The following BOC variants were observed in gnomAD, a reference collection of about 807,000 sequenced individuals.
BOC encodes brother of CDO.
BOC carries 76 observed loss-of-function variants against 112.0 expected under a neutral mutation model. The ratio of observed to expected loss-of-function variants is 0.68; its 90% CI spans 0.56 to 0.82. The LOEUF (loss-of-function observed/expected upper bound fraction) is 0.82. BOC is among the 40% of genes least tolerant of loss of function. The pLI, the probability that BOC is intolerant of heterozygous loss-of-function variation, is 0.00. For synonymous variants in BOC, 580 were observed against 599.8 expected, an observed-to-expected ratio of 0.97 and a Z score of 0.48; for missense variants, 1,309 against 1,511.7, an observed-to-expected ratio of 0.87 and a Z score of 2.22.
intron 2 of BOC, among the ~76,000 whole-genome samples, chr3:113,240,937 C>T (rs1944210159): frequency 1.3e-5 from 2 of 152,186 alleles, no homozygotes; most frequent in Admixed American, 1.3e-4. Flanking sequence ...GCCTAATGCC[C>T]TTAGCTTGGC....
intron 2 of BOC, among the ~76,000 whole-genome samples, chr3:113,239,590 G>C (rs570557929): frequency 8.5e-5 from 13 of 152,314 alleles, no homozygotes; most frequent in African/African-American, 3.1e-4. Flanking sequence ...TCCAGCACAG[G>C]CTTGTTAGGG....
intron 4 of BOC, among the ~76,000 whole-genome samples, chr3:113,253,323 C>T (rs1048979051): frequency 6.6e-6 from 1 of 152,138 alleles, no homozygotes; most frequent in South Asian, 2.1e-4. Context: ...TACAATATGG[C>T]TTACACCTGT....
chr3:113,267,345 C>G (rs1238686974), intron 4 of BOC, among the ~76,000 whole-genome samples: 2 of 152,170 alleles, frequency 1.3e-5, no homozygotes, highest in Non-Finnish European at 2.9e-5. Flanking sequence ...TGGACTCTTG[C>G]ATTGTTTGGG....
intron 2 of BOC, among the ~76,000 whole-genome samples, chr3:113,219,041 G>C (rs938557019): frequency 6.6e-6 from 1 of 152,250 alleles, no homozygotes; most frequent in Non-Finnish European, 1.5e-5. Flanking sequence ...GTTGTCCAAA[G>C]GTGGTATTGT....
At chr3:113,275,489 T>C (rs868353765) in intron 9 of BOC, among the ~76,000 whole-genome samples, 1 of 152,250 alleles carries the variant, frequency 6.6e-6, no homozygotes, top group East Asian at 1.9e-4. Flanking sequence ...GACATGAAAT[T>C]CCCTGTAAGA....
chr3:113,268,508 CG>C, intron 5 of BOC, 63 bp downstream of exon 5: 1 of 1,519,528 alleles, frequency 6.6e-7, no homozygotes, highest in Non-Finnish European at 9.0e-7. Context: ...CTCCTCCAAC[CG>C]CTCGCTGCTC....
At chr3:113,275,190 C>T (rs996597750) in intron 9 of BOC, among the ~76,000 whole-genome samples, 4 of 152,230 alleles carry the variant, frequency 2.6e-5, no homozygotes, top group Non-Finnish European at 4.4e-5. Context: ...AACACCCGCT[C>T]AGTTCTCAGA....
intron 4 of BOC, among the ~76,000 whole-genome samples, chr3:113,260,309 G>A (rs558198209): frequency 1.3e-5 from 2 of 152,176 alleles, no homozygotes; most frequent in African/African-American, 4.8e-5. Flanking sequence ...TTTTCAAGAA[G>A]TATATAAGAA....
intron 13 of BOC, 152 bp downstream of exon 13, chr3:113,280,157 G>A (rs1949058508): frequency 3.6e-6 from 3 of 835,224 alleles, no homozygotes; most frequent in Non-Finnish European, 5.4e-6. Flanking sequence ...CTGCTCTAGT[G>A]GTCTCCTGTT....
At chr3:113,244,707 G>C (rs1172707233) in intron 2 of BOC, among the ~76,000 whole-genome samples, 1 of 152,114 alleles carries the variant, frequency 6.6e-6, no homozygotes, top group East Asian at 1.9e-4. Flanking sequence ...TTCTACGGAA[G>C]GGGCTTATGC....
At chr3:113,219,987 C>G (rs1191413842) in intron 2 of BOC, among the ~76,000 whole-genome samples, 2 of 152,042 alleles carry the variant, frequency 1.3e-5, no homozygotes, top group African/African-American at 4.8e-5. Context: ...CTCCTAGGAT[C>G]TCTGCAAGTC....
At chr3:113,236,268 A>G (rs28525407) in intron 2 of BOC, among the ~76,000 whole-genome samples, 8,098 of 87,918 alleles carry the variant, frequency 0.092, 978 homozygotes, top group African/African-American at 0.15. Flanking sequence ...GTGTGTGTGT[A>G]TATATACCCA....
chr3:113,224,585 C>G (rs369722748), intron 2 of BOC, among the ~76,000 whole-genome samples: 1 of 152,160 alleles, frequency 6.6e-6, no homozygotes, highest in African/African-American at 2.4e-5. Flanking sequence ...TGGGGGGTCA[C>G]GTGGACCATC....
chr3:113,268,252 C>G (rs1947728486), intron 4 of BOC, 47 bp from the exon 5 acceptor site: 1 of 1,609,354 alleles, frequency 6.2e-7, no homozygotes. Flanking sequence ...AAATGTCACA[C>G]TTTTGCTCTG....
chr3:113,216,378 T>A, intron 2 of BOC, 104 bp downstream of exon 2: 2 of 425,386 alleles, frequency 4.7e-6, no homozygotes, highest in Admixed American at 2.6e-5. Flanking sequence ...CATCCTCAAG[T>A]ATTGGGAGTC....
chr3:113,285,014 T>G (rs148695018), intron 18 of BOC, among the ~76,000 whole-genome samples, 156 bp downstream of exon 18: 2,081 of 152,368 alleles, frequency 0.014, 18 homozygotes, highest in Middle Eastern at 0.075. Context: ...ATTGCCCTAA[T>G]AGGCAGTTGT....
At chr3:113,240,254 AAAC>A (rs749384986) in intron 2 of BOC, among the ~76,000 whole-genome samples, 3 of 152,184 alleles carry the variant, frequency 2.0e-5, no homozygotes, top group Non-Finnish European at 2.9e-5. Context: ...GGAAGGCAAA[AAAC>A]AACAACAACG....
chr3:113,260,672 C>CAGAAT (rs1946725465), intron 4 of BOC, among the ~76,000 whole-genome samples: 1 of 68,564 alleles, frequency 1.5e-5, no homozygotes, highest in Non-Finnish European at 3.8e-5. Context: ...TAGAATAGAA[C>CAGAAT]AGAACAGAAC....
chr3:113,242,592 G>A (rs1944444172), intron 2 of BOC, among the ~76,000 whole-genome samples: 1 of 151,978 alleles, frequency 6.6e-6, no homozygotes, highest in South Asian at 2.1e-4. Flanking sequence ...TTGATGGTGA[G>A]TGGAAATAGG....
Sources: allele counts gnomAD v4.1 joint callset (sites outside exome capture counted in the v4.1 genomes callset), GRCh38; gene constraint gnomAD v4.1.1; transcripts MANE v1.5; gene names NCBI Gene and HGNC (gene_info 2026-07-23, HGNC 2026-07-21).